The following CLYBL variants were observed in gnomAD, a reference collection of about 807,000 sequenced individuals.
CLYBL encodes citramalyl-CoA lyase.
In CLYBL, 31 loss-of-function variants were observed where a neutral mutation model predicts 38.9. That is an observed-to-expected ratio of 0.80 (90% CI 0.60 to 1.08). The LOEUF is 1.08. Ranked by LOEUF, CLYBL falls within the 50% of genes least tolerant of loss-of-function variation. The pLI is 0.00. For missense variants in CLYBL, 434 were observed against 411.6 expected, an observed-to-expected ratio of 1.05 and a Z score of -0.47; for synonymous variants, 171 against 158.6, an observed-to-expected ratio of 1.08 and a Z score of -0.59.
chr13:99,808,029 A>C (rs1252399351), intron 2 of CLYBL, among the ~76,000 whole-genome samples: 1 of 152,156 alleles, frequency 6.6e-6, no homozygotes, highest in Non-Finnish European at 1.5e-5. Flanking sequence ...CCCTGTGGTC[A>C]TGGCAACCTT....
chr13:99,894,474 C>G (rs982655358), downstream of CLYBL: 1 of 152,170 alleles, frequency 6.6e-6, no homozygotes, highest in East Asian at 1.9e-4. Context: ...ATGGGTAACA[C>G]TATTAAAACA....
At chr13:99,675,300 A>G (rs2047627283) in intron 1 of CLYBL, among the ~76,000 whole-genome samples, 1 of 152,184 alleles carries the variant, frequency 6.6e-6, no homozygotes, top group East Asian at 1.9e-4. Context: ...TTTCTACCTT[A>G]TATATGTATG....
rs113390037 is a variant in CLYBL at position 99,801,146 on chromosome 13, C to A, written c.249+28136C>A. Among the ~76,000 whole-genome samples, 118 of 152,266 alleles carry A rather than the reference C, an allele frequency of 7.7e-4. 1 individual carries two copies. Among genetic ancestry groups the A allele is most frequent in the African/African-American group, 2.7e-3 (113 of 41,552 alleles). ...TCTTGGCAACTGTCACCAGGTGCCC[C>A]CCCTCCACACGTCCCTGTTGGAGTG... On this transcript the variant is annotated intron_variant, in intron 2 of 8. Coordinates refer to ENST00000339105, the MANE Select transcript of CLYBL (RefSeq NM_206808.5).
At chr13:99,857,324 A>G (rs1273194537) in intron 2 of CLYBL, among the ~76,000 whole-genome samples, 6 of 152,100 alleles carry the variant, frequency 3.9e-5, no homozygotes, top group African/African-American at 1.4e-4. Flanking sequence ...CAAAAAAAAG[A>G]GAAGATTTTC....
intron 2 of CLYBL, among the ~76,000 whole-genome samples, chr13:99,790,277 A>G (rs915582604): frequency 2.0e-5 from 3 of 152,218 alleles, no homozygotes; most frequent in African/African-American, 7.2e-5. Flanking sequence ...TAGTTGATGC[A>G]GTTTCTTCCT....
intron 8 of CLYBL, among the ~76,000 whole-genome samples, chr13:99,904,850 G>A (rs2052678560): frequency 6.6e-6 from 1 of 152,184 alleles, no homozygotes; most frequent in Admixed American, 6.5e-5. Flanking sequence ...CCCTCCCTGG[G>A]GGTCTCAAGA....
chr13:99,834,832 T>C (rs1272530890), intron 2 of CLYBL, among the ~76,000 whole-genome samples: 1 of 152,194 alleles, frequency 6.6e-6, no homozygotes, highest in African/African-American at 2.4e-5. Context: ...GTTCTAATTC[T>C]CCTCCTGCTG....
chr13:99,901,174 C>T (rs1051801392), downstream of CLYBL, among the ~76,000 whole-genome samples: 7 of 152,198 alleles, frequency 4.6e-5, no homozygotes, highest in Non-Finnish European at 7.3e-5. Context: ...ACCTCTTGGC[C>T]GCGGGCCTCA....
At chr13:99,675,906 T>G (rs2047636787) in intron 1 of CLYBL, among the ~76,000 whole-genome samples, 1 of 152,254 alleles carries the variant, frequency 6.6e-6, no homozygotes, top group Non-Finnish European at 1.5e-5. Flanking sequence ...GGAATTAGAA[T>G]GCAGTAGCAT....
intron 1 of CLYBL, among the ~76,000 whole-genome samples, chr13:99,671,875 T>C (rs1285665495): frequency 6.6e-6 from 1 of 152,098 alleles, no homozygotes; most frequent in Non-Finnish European, 1.5e-5. Flanking sequence ...TGTGAGAGAC[T>C]GCCCTTGTGC....
At chr13:99,730,609 A>G (rs1444837586) in intron 1 of CLYBL, among the ~76,000 whole-genome samples, 1 of 152,186 alleles carries the variant, frequency 6.6e-6, no homozygotes, top group Non-Finnish European at 1.5e-5. Context: ...AGAGGACTCC[A>G]GAGGCTCAGG....
intron 7 of CLYBL, among the ~76,000 whole-genome samples, chr13:99,890,085 T>C (rs1391488283): frequency 6.6e-6 from 1 of 152,224 alleles, no homozygotes; most frequent in African/African-American, 2.4e-5. Context: ...ACATTAACTT[T>C]GGGTTCTGAG....
chr13:99,799,377 TCACA>T (rs142411916), intron 2 of CLYBL, among the ~76,000 whole-genome samples: 3 of 150,176 alleles, frequency 2.0e-5, no homozygotes, highest in Admixed American at 6.6e-5. Context: ...ATACACACAT[TCACA>T]CACACACACA....
At chr13:99,778,939 TAA>T (rs2049580300) in intron 2 of CLYBL, among the ~76,000 whole-genome samples, 1 of 152,180 alleles carries the variant, frequency 6.6e-6, no homozygotes. Context: ...ATGTAAATAC[TAA>T]TCAATACTTA....
At chr13:99,712,517 G>GT (rs148738034) in intron 1 of CLYBL, among the ~76,000 whole-genome samples, 9,404 of 146,452 alleles carry the variant, frequency 0.064, 378 homozygotes, top group East Asian at 0.12. Context: ...GTTTTTTTGA[G>GT]TTTTTTTTTT....
chr13:99,729,246 C>T (rs902594222), intron 1 of CLYBL, among the ~76,000 whole-genome samples: 12 of 152,208 alleles, frequency 7.9e-5, no homozygotes, highest in Non-Finnish European at 1.5e-5. Context: ...GACACATTGT[C>T]GGTGACCAAC....
Position 99,779,833 on chromosome 13 carries a change from G to A in CLYBL, c.249+6823G>A, listed in dbSNP as rs535793258. Among the ~76,000 whole-genome samples, 29 of 152,266 alleles carry A rather than the reference G, an allele frequency of 1.9e-4. No homozygotes were observed. In the South Asian group the frequency reaches 5.2e-3, roughly 27 times the overall value. ...TGCTGAGCTCTAGCGTAGTGACATGGTGGGTGGTTAGAGAAATGTGATGTG... is the reference window on the plus strand; with the variant it reads ...TGCTGAGCTCTAGCGTAGTGACATGATGGGTGGTTAGAGAAATGTGATGTG... On this transcript the variant is annotated intron_variant, in intron 2 of 8. Coordinates refer to ENST00000339105, the MANE Select transcript of CLYBL (RefSeq NM_206808.5).
intron 2 of CLYBL, among the ~76,000 whole-genome samples, chr13:99,819,967 A>G (rs112202983): frequency 3.9e-5 from 6 of 152,192 alleles, no homozygotes; most frequent in Admixed American, 1.3e-4. Context: ...CATAAAATTA[A>G]CCATCACGGA....
intron 1 of CLYBL, among the ~76,000 whole-genome samples, chr13:99,670,605 A>G (rs1223305044): frequency 1.3e-5 from 2 of 152,194 alleles, no homozygotes; most frequent in African/African-American, 4.8e-5. Flanking sequence ...AACATTTCAT[A>G]TTTGTGAAAG....
Sources: gnomAD v4.1 joint callset for allele counts (sites outside exome capture counted in the v4.1 genomes callset) on GRCh38, gnomAD v4.1.1 for gene constraint, MANE v1.5 for transcripts, NCBI Gene and HGNC (gene_info 2026-07-23, HGNC 2026-07-21) for gene names.